HEATR5B: variants seen among roughly 807,000 people sequenced by gnomAD.
HEATR5B encodes the protein HEAT repeat-containing protein 5B.
Under a neutral mutation model 224.1 loss-of-function variants are expected in HEATR5B, and 156 were observed. That is an observed-to-expected ratio of 0.70 (90% confidence interval 0.61 to 0.80). The LOEUF (loss-of-function observed/expected upper bound fraction) is 0.80. Among genes scored for constraint, HEATR5B ranks in the 30% least tolerant of loss-of-function variants. The probability of loss-of-function intolerance (pLI) is 0.00; values close to 1 mark genes in which losing one functional copy is unlikely to be tolerated. For missense variants in HEATR5B, 2,323 were observed against 2,535.5 expected (o/e 0.92, Z 1.80); for synonymous variants, 1,027 against 893.0 (o/e 1.15, Z -2.68).
chr2:37,017,950 G>T (rs1382099081), intron 26 of HEATR5B, among the ~76,000 whole-genome samples: 1 of 152,182 alleles, frequency 6.6e-6, no homozygotes, highest in Admixed American at 6.5e-5. Flanking sequence ...ACTGTACCCA[G>T]TTGTGTGACA....
chr2:37,026,917 G>A (rs1668815329), intron 24 of HEATR5B, among the ~76,000 whole-genome samples: 1 of 152,122 alleles, frequency 6.6e-6, no homozygotes, highest in Non-Finnish European at 1.5e-5. Flanking sequence ...TCCTGACTCA[G>A]CCTCCTGAGT....
At chr2:37,060,270 T>C (rs1263572927) in intron 12 of HEATR5B, among the ~76,000 whole-genome samples, 1 of 151,986 alleles carries the variant, frequency 6.6e-6, no homozygotes, top group Non-Finnish European at 1.5e-5. Context: ...GTATTTTTTC[T>C]TTTTTTTATA....
At chr2:36,996,095 T>G (rs1666686343) in intron 33 of HEATR5B, among the ~76,000 whole-genome samples, 1 of 149,960 alleles carries the variant, frequency 6.7e-6, no homozygotes, top group Admixed American at 6.7e-5. Context: ...GGAGTCTCGC[T>G]CTGTCACCAG....
In HEATR5B at chr2:37,058,579, AG is replaced by A; in HGVS notation, c.1950-20del. On this transcript the variant is annotated intron_variant, in intron 13 of 35. Coordinates refer to ENST00000233099, the MANE Select transcript of HEATR5B (RefSeq NM_019024.3). ...TGGAATGCTAAAATATCAAAAACAT[AG>A]TTGGTAATGGCTTACCAGAATAAGT... 6.6e-7 allele frequency: 1 copy of A among 1,514,854 alleles called. No individual in the cohort carries two copies. The highest frequency in any genetic ancestry group is 9.2e-7 in the Non-Finnish European group (1 of 1,090,554). The allele number at this position is 1,514,854 out of a possible 1,614,324, so 93.8% of individuals were successfully genotyped here. A position where few individuals can be genotyped will look rare whatever the true frequency, so the allele number is the denominator to read the frequency against.
In HEATR5B at chr2:37,000,797, C is replaced by T; in HGVS notation, c.5334G>A (p.Leu1778=). 1 of 1,612,444 alleles carries T rather than the reference C, an allele frequency of 6.2e-7. No individual in the cohort carries two copies. Residue 1778 remains leucine, a synonymous_variant, in exon 33 of 36, where the codon CTG becomes CTA. Coordinates refer to ENST00000233099, the MANE Select transcript of HEATR5B (RefSeq NM_019024.3). ...LCSPAGCMTI[L]PTILFLIARI... ...TTGCAATTAAGAACAGAATTGTGGG[C>T]AGGATTGTCATACATCCTGAAAGAA...
chr2:37,001,476 G>C (rs774044615), intron 32 of HEATR5B, among the ~76,000 whole-genome samples: 2 of 152,028 alleles, frequency 1.3e-5, no homozygotes, highest in African/African-American at 2.4e-5. Flanking sequence ...TCCGTGAGTT[G>C]AGCTGAAATT....
Position 37,020,818 on chromosome 2 carries a change from T to A in HEATR5B, c.3872A>T (p.His1291Leu). Residue 1291 changes from histidine to leucine, a missense_variant, in exon 25 of 36, where the codon CAT (histidine) becomes CTT (leucine). Physicochemically the swap from His to Leu is moderately conservative, Grantham distance 99 (BLOSUM62 -3). Transcript: ENST00000233099. ...TGCCATGCGAATGAGGTCAGAGAGA[T>A]GAAGTACCAAGAGGTCATCTAAAAA... Reference protein sequence around the residue: ...RNPTNDLLVLHLSDLIRMAFM... With the variant: ...RNPTNDLLVLLLSDLIRMAFM... 3 of 1,559,166 alleles carry A rather than the reference T, an allele frequency of 1.9e-6. No homozygotes were observed. The highest frequency in any genetic ancestry group is 2.6e-6 in the Non-Finnish European group (3 of 1,160,806).
In HEATR5B at chr2:37,079,228, G is replaced by C. The variant is rs563310115; in HGVS notation, c.230C>G (p.Ala77Gly). ...AGTATCCCCAATGCTATAAAGGGCT[G>C]CGAGATTTTTAGCTAATAATTTTCG... is the stretch of plus-strand genomic sequence containing the variant. ...PTRKLLAKNLAALYSIGDTFT... is the reference protein window; with the variant it reads ...PTRKLLAKNLGALYSIGDTFT... The change falls in exon 3 of 36, where the codon GCA (alanine) becomes GGA (glycine). Residue 77 changes from alanine to glycine, a missense_variant. By Grantham distance (60) the Ala-to-Gly change is moderately conservative. This residue lies in a region of HEATR5B where 292 missense variants were observed against 332.6 expected (regional missense o/e 0.88). Coordinates refer to ENST00000233099, the MANE Select transcript of HEATR5B (RefSeq NM_019024.3). 3 of 1,605,590 alleles carry C rather than the reference G, an allele frequency of 1.9e-6. No individual in the cohort carries two copies. In the South Asian group the frequency reaches 3.3e-5, roughly 18 times the overall value.
At chr2:37,000,915 G>A in intron 32 of HEATR5B, 102 bp from the exon 33 acceptor site, 1 of 733,348 alleles carries the variant, frequency 1.4e-6, no homozygotes, top group South Asian at 1.9e-5. Flanking sequence ...GTTTAATATT[G>A]TTTTTTTCCT....
At chr2:37,017,734 TA>T (rs993271048) in intron 26 of HEATR5B, among the ~76,000 whole-genome samples, 2 of 144,802 alleles carry the variant, frequency 1.4e-5, no homozygotes, top group Admixed American at 6.9e-5. Flanking sequence ...GAATCACAGA[TA>T]ATGCATTATG....
rs79579261 is a variant in HEATR5B at position 37,081,424 on chromosome 2, G to A, written c.126+1865C>T. On this transcript the variant is annotated intron_variant, in intron 2 of 35. Coordinates refer to ENST00000233099, the MANE Select transcript of HEATR5B (RefSeq NM_019024.3). ...CAACAACAGGAACAATAACAACAAAGCACAAATCCAAAGGGTAAAGAAAAC... is the reference window on the plus strand; with the variant it reads ...CAACAACAGGAACAATAACAACAAAACACAAATCCAAAGGGTAAAGAAAAC... Among the ~76,000 whole-genome samples the A allele has an allele frequency of 4.7e-4, 72 of 152,218 alleles. 1 individual carries two copies. In the East Asian group the frequency reaches 0.012, roughly 25 times the overall value.
chr2:37,032,179 A>C (rs1558756728), intron 22 of HEATR5B, among the ~76,000 whole-genome samples: 1 of 152,182 alleles, frequency 6.6e-6, no homozygotes, highest in Non-Finnish European at 1.5e-5. Flanking sequence ...AAATATTCTG[A>C]TACTAAATAC....
chr2:37,006,173 G>A (rs554021148), intron 29 of HEATR5B, among the ~76,000 whole-genome samples: 4 of 152,176 alleles, frequency 2.6e-5, no homozygotes, highest in African/African-American at 9.7e-5. Flanking sequence ...GGGTATCATA[G>A]TAAACAACTG....
intron 27 of HEATR5B, 142 bp from the exon 28 acceptor site, chr2:37,008,990 T>C (rs959325619): frequency 5.8e-6 from 4 of 686,668 alleles, no homozygotes; most frequent in Non-Finnish European, 7.3e-6. Context: ...CTGGGTGCGG[T>C]GGCTCACACC....
chr2:37,041,062 A>C, intron 19 of HEATR5B, 71 bp downstream of exon 19: 3 of 1,268,494 alleles, frequency 2.4e-6, no homozygotes, highest in South Asian at 1.3e-5. Context: ...GGTCATTTTT[A>C]TTTCATAGAG....
Position 37,056,570 on chromosome 2 carries a change from G to A in HEATR5B, c.2269C>T (p.Pro757Ser). ...ASGSGALEHD[P>S]SSIYLRIPAG... ...GGTATGCGTAAATAAATAGAGGAAG[G>A]ATCATGCTCCAGAGCCCCACTTCCA... Residue 757 changes from proline to serine, a missense_variant, in exon 16 of 36, where the codon CCT (proline) becomes TCT (serine). This residue lies in a region of HEATR5B where 170 missense variants were observed against 216.7 expected (regional missense o/e 0.78). Coordinates refer to ENST00000233099, the MANE Select transcript of HEATR5B (RefSeq NM_019024.3). 6.2e-7 allele frequency: 1 copy of A among 1,612,300 alleles called. No individual in the cohort carries two copies. Among genetic ancestry groups the A allele is most frequent in the South Asian group, 1.1e-5 (1 of 90,830 alleles).
chr2:37,049,653 T>C lies in HEATR5B; in HGVS notation c.2696A>G (p.Lys899Arg). The C allele has an allele frequency of 6.2e-7, 1 of 1,609,900 alleles. No homozygotes were observed. Among genetic ancestry groups the C allele is most frequent in the Non-Finnish European group, 8.5e-7 (1 of 1,178,954 alleles). ...CTTGTTAGTAAAGAAACCCACTTAC[T>C]TGTCAAAGCTATATTGGGCCATTCT... ...IARMAQYSFD[K>R]LKSARDVVSR... The change falls in exon 18 of 36, where the codon AAG (lysine) becomes AGG (arginine). Residue 899 changes from lysine (K) to arginine (R), a missense_variant and splice_region_variant. By Grantham distance (26) the Lys-to-Arg change is conservative. Transcript: ENST00000233099.
chr2:37,036,516 G>GT (rs72243792), intron 21 of HEATR5B, among the ~76,000 whole-genome samples: 61 of 148,570 alleles, frequency 4.1e-4, no homozygotes, highest in Middle Eastern at 3.4e-3. Flanking sequence ...AATATCAATT[G>GT]TTTTTTTTTT....
At chr2:36,998,714 A>C (rs1420870599) in intron 33 of HEATR5B, among the ~76,000 whole-genome samples, 2 of 152,216 alleles carry the variant, frequency 1.3e-5, no homozygotes. Context: ...AGAGTTTTAT[A>C]TATTCACATT....
Sources: gnomAD v4.1 joint callset for allele counts (sites outside exome capture counted in the v4.1 genomes callset) on GRCh38, gnomAD v4.1.1 for gene constraint, gnomAD v4.1.1 regional missense constraint, MANE v1.5 for transcripts, NCBI Gene and HGNC (gene_info 2026-07-23, HGNC 2026-07-21) for gene names.